The following PCDHGA11 variants were observed in gnomAD, a reference collection of about 807,000 sequenced individuals.
PCDHGA11 encodes protocadherin gamma-A11.
In PCDHGA11, 39 loss-of-function variants were observed where a neutral mutation model predicts 60.4. The observed-to-expected ratio is 0.65, with a 90% CI of 0.50 to 0.84. The LOEUF is 0.84. PCDHGA11 is among the 40% of genes least tolerant of loss of function. The pLI, the probability that PCDHGA11 is intolerant of heterozygous loss-of-function variation, is 0.00. For synonymous variants in PCDHGA11, 533 were observed against 510.3 expected (o/e 1.04, Z -0.60); for missense variants, 1,165 against 1,197.7 (o/e 0.97, Z 0.40).
At position 141,431,918 on chromosome 5, in the gene PCDHGA11, C is replaced by T; in HGVS notation, c.2433+8258C>T. On this transcript the variant is annotated intron_variant, in intron 1 of 3. Transcript: ENST00000398587. This position sits in a 1 kb window ranked among gnomAD's most constrained non-coding sequence, Gnocchi z 4.8. Reference sequence around the variant, plus strand: ...AAACGGACAGGTGATCTGTTTCATCCAAGGAAATCTGCCCTTTAAATTAGA... The same window carrying T: ...AAACGGACAGGTGATCTGTTTCATCTAAGGAAATCTGCCCTTTAAATTAGA... The T allele has an allele frequency of 6.2e-7, 1 of 1,613,998 alleles. No individual in the cohort carries two copies. The highest frequency in any genetic ancestry group is 8.5e-7 in the Non-Finnish European group (1 of 1,179,862).
chr5:141,434,747 C>T (rs2097714000), intron 1 of PCDHGA11, among the ~76,000 whole-genome samples: 1 of 151,606 alleles, frequency 6.6e-6, no homozygotes, highest in South Asian at 2.1e-4. Flanking sequence ...GCTATGAGAC[C>T]CCTGATTCCC....
At chr5:141,463,402 T>C (rs1214124103) in intron 1 of PCDHGA11, among the ~76,000 whole-genome samples, 1 of 149,978 alleles carries the variant, frequency 6.7e-6, no homozygotes, top group African/African-American at 2.5e-5. Context: ...GCAAAAAAAA[T>C]GGAGATCCTA....
In PCDHGA11 at chr5:141,423,272, T is replaced by C. The variant is rs372798900; in HGVS notation, c.2045T>C (p.Leu682Pro). Residue 682 changes from leucine (L) to proline (P), a missense_variant, in exon 1 of 4, where the codon CTG becomes CCG. Leu to Pro is a moderately conservative substitution (Grantham distance 98). Coordinates refer to ENST00000398587, the MANE Select transcript of PCDHGA11 (RefSeq NM_018914.3). ...VLADLGSLES[L>P]ANSETSDLSL... ...GCGGACCTCGGCAGCCTCGAGTCTC[T>C]GGCTAACTCTGAAACCTCAGACCTC... 36 of 1,613,586 alleles carry C rather than the reference T, an allele frequency of 2.2e-5. No individual in the cohort carries two copies. In the African/African-American group the frequency reaches 4.4e-4, roughly 20 times the overall value.
chr5:141,444,237 T>G (rs1315900009), intron 1 of PCDHGA11, among the ~76,000 whole-genome samples: 1 of 137,132 alleles, frequency 7.3e-6, no homozygotes, highest in Admixed American at 8.0e-5. Flanking sequence ...AATGGCATGC[T>G]CTCGGCTCAC....
rs752145084 is a variant in PCDHGA11 at position 141,489,550 on chromosome 5, C to T, written c.2434-5257C>T. On this transcript the variant is annotated intron_variant, in intron 1 of 3. Coordinates refer to ENST00000398587, the MANE Select transcript of PCDHGA11 (RefSeq NM_018914.3). This position sits in a 1 kb window ranked among gnomAD's most constrained non-coding sequence, Gnocchi z 4.5. ...ATGTGGAGCCAGCACCAGCTGCCTGCTGCCAGTGCAGGTGGTGACTGAACA... is the reference window on the plus strand; with the variant it reads ...ATGTGGAGCCAGCACCAGCTGCCTGTTGCCAGTGCAGGTGGTGACTGAACA... The T allele has an allele frequency of 1.2e-6, 2 of 1,614,132 alleles. No homozygotes were observed. The highest frequency in any genetic ancestry group is 1.7e-5 in the Admixed American group (1 of 60,030).
At chr5:141,474,920 C>A (rs1363277892) in intron 1 of PCDHGA11, among the ~76,000 whole-genome samples, 2 of 152,232 alleles carry the variant, frequency 1.3e-5, no homozygotes, top group Admixed American at 6.5e-5. Context: ...TACATCTCAT[C>A]TCTGGCTTAT....
At chr5:141,474,881 C>A (rs2099356099) in intron 1 of PCDHGA11, among the ~76,000 whole-genome samples, 1 of 152,244 alleles carries the variant, frequency 6.6e-6, no homozygotes, top group South Asian at 2.1e-4. Context: ...AGCAGGAACT[C>A]TTAGAGGTTC....
chr5:141,468,433 A>G (rs2099167290), intron 1 of PCDHGA11: 1 of 152,202 alleles, frequency 6.6e-6, no homozygotes, highest in Non-Finnish European at 1.5e-5. Context: ...GGTAATAGCA[A>G]AATGTGGGTG....
Position 141,421,973 on chromosome 5 carries a change from G to C in PCDHGA11, c.746G>C (p.Arg249Pro). Reference protein sequence around the residue: ...HIPMFTQSVYRVSVPENISSG... With the variant: ...HIPMFTQSVYPVSVPENISSG... ...CCAATGTTTACACAGTCCGTATATC[G>C]CGTGAGTGTTCCAGAAAACATCAGC... Residue 249 changes from arginine (R) to proline (P), a missense_variant, in exon 1 of 4, where the codon CGC (arginine) becomes CCC (proline). Coordinates refer to ENST00000398587, the MANE Select transcript of PCDHGA11 (RefSeq NM_018914.3). The C allele has an allele frequency of 6.2e-7, 1 of 1,610,100 alleles. No individual in the cohort carries two copies. Among genetic ancestry groups the C allele is most frequent in the Non-Finnish European group, 8.5e-7 (1 of 1,178,170 alleles).
rs773469060 is a variant in PCDHGA11, at chr5:141,422,872, C to T, written c.1645C>T (p.Leu549=). The change falls in exon 1 of 4, where the codon CTG becomes TTG. Residue 549 remains leucine (L), a synonymous_variant. Transcript: ENST00000398587. ...CCCGCCCCTCAGCAGCAACGTGTCG[C>T]TGAGCCTGTTCGTGCTGGACCAGAA... ...GDPPLSSNVS[L]SLFVLDQNDN... is the part of the protein sequence containing the mutation. The T allele has an allele frequency of 1.2e-5, 19 of 1,614,134 alleles. No homozygotes were observed. Among genetic ancestry groups the T allele is most frequent in the African/African-American group, 2.7e-5 (2 of 74,956 alleles).
At chr5:141,447,149 T>C (rs2098528211) in intron 1 of PCDHGA11, among the ~76,000 whole-genome samples, 1 of 152,212 alleles carries the variant, frequency 6.6e-6, no homozygotes, top group African/African-American at 2.4e-5. Flanking sequence ...TTTGTTTTTG[T>C]TTTTGTTTAA....
rs1460626002 is a variant in PCDHGA11, at chr5:141,486,935, C to A, written c.2434-7872C>A. ...ACTGCCTCCATCAGTTGGTGCTGGC[C>A]ACCTAATCACAAAGGTGACTGCTGT... On this transcript the variant is annotated intron_variant, in intron 1 of 3. Transcript: ENST00000398587. This position sits in a 1 kb window ranked among gnomAD's most constrained non-coding sequence, Gnocchi z 5.0. 5 of 1,614,228 alleles carry A rather than the reference C, an allele frequency of 3.1e-6. No individual in the cohort carries two copies. The highest frequency in any genetic ancestry group is 4.2e-6 in the Non-Finnish European group (5 of 1,180,038).
chr5:141,468,274 G>A (rs1461428449), intron 1 of PCDHGA11, among the ~76,000 whole-genome samples: 1 of 144,906 alleles, frequency 6.9e-6, no homozygotes, highest in Non-Finnish European at 1.5e-5. Flanking sequence ...GTGGTGAGCC[G>A]AGACCACGCC....
chr5:141,433,299 T>G, intron 1 of PCDHGA11: 1 of 995,012 alleles, frequency 1.0e-6, no homozygotes, highest in Non-Finnish European at 1.5e-6. Flanking sequence ...GCTCAAGCAA[T>G]TATCCCACCT....
intron 2 of PCDHGA11, among the ~76,000 whole-genome samples, chr5:141,502,408 G>A (rs1197275813): frequency 6.6e-6 from 1 of 151,782 alleles, no homozygotes; most frequent in Non-Finnish European, 1.5e-5. Context: ...CCCGAACCTG[G>A]ATTTGCTGGC....
At position 141,512,346 on chromosome 5, in the gene PCDHGA11, G is replaced by A. The variant is rs1391003897; in HGVS notation, c.*1173G>A. ...CAGGCCATTCTTAGTCCCTGGGTTG[G>A]GGAGGCAGGGAGCTAGGGCAGGGAC... On this transcript the variant is annotated 3_prime_UTR_variant, in exon 4 of 4. Transcript: ENST00000398587. 6.5e-6 allele frequency: 1 copy of A among 152,876 alleles called. No individual in the cohort carries two copies. Among genetic ancestry groups the A allele is most frequent in the Non-Finnish European group, 1.5e-5 (1 of 68,232 alleles). 9.5% of individuals were successfully genotyped at this position (152,876 alleles called of 1,614,324 possible). A position where few individuals can be genotyped will look rare whatever the true frequency, so the allele number is the denominator to read the frequency against.
chr5:141,447,533 G>T (rs2098541881), intron 1 of PCDHGA11, among the ~76,000 whole-genome samples: 1 of 152,120 alleles, frequency 6.6e-6, no homozygotes, highest in South Asian at 2.1e-4. Flanking sequence ...CAAAATTGTT[G>T]GGTTTTAATG....
At chr5:141,444,774 AT>A (rs2098446962) in intron 1 of PCDHGA11, among the ~76,000 whole-genome samples, 1 of 152,018 alleles carries the variant, frequency 6.6e-6, no homozygotes, top group Non-Finnish European at 1.5e-5. Context: ...TATATTCTTG[AT>A]CATGTTTCAT....
At chr5:141,448,654 A>G (rs966383140) in intron 1 of PCDHGA11, among the ~76,000 whole-genome samples, 1 of 152,048 alleles carries the variant, frequency 6.6e-6, no homozygotes, top group African/African-American at 2.4e-5. Context: ...AAATATTTCC[A>G]TATTGGCCGG....
Sources: gnomAD v4.1 joint callset for allele counts (sites outside exome capture counted in the v4.1 genomes callset) on GRCh38, gnomAD v4.1.1 for gene constraint, Gnocchi (gnomAD v3.1) non-coding constraint, MANE v1.5 for transcripts, NCBI Gene and HGNC (gene_info 2026-07-23, HGNC 2026-07-21) for gene names.